The following BMP8B variants were observed in gnomAD, a reference collection of about 807,000 sequenced individuals.
BMP8B encodes the protein bone morphogenetic protein 8b.
BMP8B carries 17 observed loss-of-function variants against 30.3 expected under a neutral mutation model. The observed-to-expected ratio is 0.56, with a 90% CI of 0.38 to 0.84. BMP8B has a LOEUF of 0.84. Among genes scored for constraint, BMP8B ranks in the 40% least tolerant of loss-of-function variants. BMP8B has a pLI of 0.00. For synonymous variants in BMP8B, 131 were observed against 214.7 expected (o/e 0.61, Z 3.41); for missense variants, 253 against 494.6 (o/e 0.51, Z 4.63).
At chr1:39,781,920 G>A (rs1361022061) in intron 1 of BMP8B, among the ~76,000 whole-genome samples, 1 of 152,194 alleles carries the variant, frequency 6.6e-6, no homozygotes, top group Non-Finnish European at 1.5e-5. Flanking sequence ...ACTTTGGGAG[G>A]CTGAGGTGGG....
At chr1:39,769,195 G>A (rs1649779349) in intron 3 of BMP8B, among the ~76,000 whole-genome samples, 1 of 150,526 alleles carries the variant, frequency 6.6e-6, no homozygotes, top group Non-Finnish European at 1.5e-5. Flanking sequence ...TCAAAAAAAA[G>A]AAAAAAGAAA....
intron 3 of BMP8B, among the ~76,000 whole-genome samples, chr1:39,766,777 A>T (rs1019271906): frequency 6.9e-6 from 1 of 145,876 alleles, no homozygotes; most frequent in East Asian, 1.9e-4. Context: ...AGTCAAGGTT[A>T]TGGGGAAGCA....
Position 39,769,588 on chromosome 1 carries a change from G to A in BMP8B, c.673+4720C>T, listed in dbSNP as rs375739939. 5.7e-6 allele frequency: 8 copies of A among 1,404,376 alleles called. No homozygotes were observed. In the South Asian group the frequency reaches 6.1e-5, roughly 11 times the overall value. 87.0% of individuals were successfully genotyped at this position (1,404,376 alleles called of 1,614,324 possible). A position where few individuals can be genotyped will look rare whatever the true frequency, so the allele number is the denominator to read the frequency against. On this transcript the variant is annotated intron_variant, in intron 3 of 6. Coordinates refer to ENST00000372827, the MANE Select transcript of BMP8B (RefSeq NM_001720.5). The stretch of plus-strand genomic sequence containing the variant: ...AGAGGAGCACTGTCCACCTAGGGAG[G>A]AAAGTAGGAGGCCAGTAGCAAACCC...
chr1:39,779,783 A>T (rs143291842), intron 1 of BMP8B, among the ~76,000 whole-genome samples: 247 of 152,308 alleles, frequency 1.6e-3, no homozygotes, highest in Non-Finnish European at 2.8e-3. Context: ...GTTCATGCTA[A>T]CCTGACTGTG....
rs1198992846 is a variant in BMP8B, at chr1:39,760,731, C to T, written c.1060-163G>A. On this transcript the variant is annotated intron_variant, in intron 6 of 6. Coordinates refer to ENST00000372827, the MANE Select transcript of BMP8B (RefSeq NM_001720.5). ...TATTAACAGGAATAAGAGCAGTCCTCAAGGCTCCAGGAGTGGGAGCTGTAG... is the reference window on the plus strand; with the variant it reads ...TATTAACAGGAATAAGAGCAGTCCTTAAGGCTCCAGGAGTGGGAGCTGTAG... Among the ~76,000 whole-genome samples, 4 of 152,190 alleles carry T rather than the reference C, an allele frequency of 2.6e-5. 1 individual carries two copies. In the South Asian group the frequency reaches 8.3e-4, roughly 32 times the overall value.
intron 5 of BMP8B, 149 bp downstream of exon 5, chr1:39,763,563 T>C: frequency 8.3e-7 from 1 of 1,210,394 alleles, no homozygotes; most frequent in Non-Finnish European, 1.1e-6. Flanking sequence ...TTTCTCACCA[T>C]ATTCTCACTT....
At chr1:39,764,294 A>G (rs1364068141) in intron 4 of BMP8B, among the ~76,000 whole-genome samples, 2 of 151,418 alleles carry the variant, frequency 1.3e-5, no homozygotes, top group Non-Finnish European at 3.0e-5. Context: ...AGGATCCCAC[A>G]GGGTGCCCAG....
intron 1 of BMP8B, among the ~76,000 whole-genome samples, chr1:39,783,059 C>T (rs748679182): frequency 6.6e-6 from 1 of 152,054 alleles, no homozygotes; most frequent in East Asian, 1.9e-4. Context: ...CACACCTGGC[C>T]GGATACAGGC....
rs1396012692 is a variant in BMP8B at position 39,772,507 on chromosome 1, T to A, written c.673+1801A>T. On this transcript the variant is annotated intron_variant, in intron 3 of 6. Transcript: ENST00000372827. ...CACTCACCGGTCCCTGTAATGGCAT[T>A]TCCATGAGGACCAGTGATCTCAGTA... Among the ~76,000 whole-genome samples the A allele has an allele frequency of 7.3e-5, 6 of 82,134 alleles. 1 individual carries two copies. The highest frequency in any genetic ancestry group is 1.5e-4 in the Non-Finnish European group (6 of 39,798). The allele number at this position is 82,134 out of a possible 152,430, so 53.9% of individuals were successfully genotyped here. A position where few individuals can be genotyped will look rare whatever the true frequency, so the allele number is the denominator to read the frequency against.
chr1:39,760,557 C>G lies in BMP8B; in HGVS notation c.1071G>C (p.Met357Ile). The change falls in exon 7 of 7, where the codon ATG becomes ATC. Residue 357 changes from methionine (M) to isoleucine (I), a missense_variant. Met to Ile is a conservative substitution (Grantham distance 10). Around this residue, in one of 7 missense-constraint regions of BMP8B, gnomAD observed 116 missense variants for 142.3 expected, o/e 0.81. Coordinates refer to ENST00000372827, the MANE Select transcript of BMP8B (RefSeq NM_001720.5). ...ACGCCTTGGGGACTGCGTCTGGCAT[C>G]ATCAGGTGCACCTGGCCAGGAAGAG... ...HAILQSLVHL[M>I]MPDAVPKACC... 6.2e-7 allele frequency: 1 copy of G among 1,613,806 alleles called. No homozygotes were observed. Among genetic ancestry groups the G allele is most frequent in the Non-Finnish European group, 8.5e-7 (1 of 1,179,986 alleles).
At chr1:39,781,630 GT>G (rs1485993876) in intron 1 of BMP8B, among the ~76,000 whole-genome samples, 2 of 152,220 alleles carry the variant, frequency 1.3e-5, no homozygotes, top group Admixed American at 6.5e-5. Flanking sequence ...AAACTGGAAA[GT>G]TTACTGCTTT....
intron 1 of BMP8B, among the ~76,000 whole-genome samples, chr1:39,783,425 CA>C (rs1288061446): frequency 6.6e-6 from 1 of 152,182 alleles, no homozygotes; most frequent in Non-Finnish European, 1.5e-5. Context: ...GGAAAGGGTG[CA>C]CCATTCTGGT....
At chr1:39,764,135 T>C in intron 4 of BMP8B, among the ~76,000 whole-genome samples, 1 of 152,108 alleles carries the variant, frequency 6.6e-6, no homozygotes. Context: ...CACCCTCTCC[T>C]GCCACACCCA....
At chr1:39,777,264 T>G (rs1220986370) in intron 1 of BMP8B, among the ~76,000 whole-genome samples, 1 of 152,240 alleles carries the variant, frequency 6.6e-6, no homozygotes, top group African/African-American at 2.4e-5. Context: ...AATATTTATT[T>G]TCTACAAAAT....
chr1:39,776,429 T>C (rs913181057), intron 1 of BMP8B, among the ~76,000 whole-genome samples: 1 of 152,254 alleles, frequency 6.6e-6, no homozygotes, highest in African/African-American at 2.4e-5. Context: ...TTTGTGAGTC[T>C]TTTTAAAAAT....
chr1:39,772,629 AT>A (rs1350965668), intron 3 of BMP8B, among the ~76,000 whole-genome samples: 4 of 123,430 alleles, frequency 3.2e-5, no homozygotes, highest in African/African-American at 1.2e-4. Context: ...AAAAAGAAAA[AT>A]CTATTGAAAA....
In BMP8B at chr1:39,759,841, TGA is replaced by T; in HGVS notation, c.*576_*577del. ...TCATGCTGTTCACTCAGCTTTTTCT[TGA>T]GTTGACTCCACATGTCTACCTGTGA... On this transcript the variant is annotated 3_prime_UTR_variant, in exon 7 of 7. Coordinates refer to ENST00000372827, the MANE Select transcript of BMP8B (RefSeq NM_001720.5). 6.5e-6 allele frequency: 1 copy of T among 152,792 alleles called. No homozygotes were observed. The highest frequency in any genetic ancestry group is 1.9e-4 in the East Asian group (1 of 5,208). 9.5% of individuals were successfully genotyped at this position (152,792 alleles called of 1,614,324 possible). A position where few individuals can be genotyped will look rare whatever the true frequency, so the allele number is the denominator to read the frequency against.
At chr1:39,782,336 T>C (rs763251877) in intron 1 of BMP8B, among the ~76,000 whole-genome samples, 3 of 152,144 alleles carry the variant, frequency 2.0e-5, no homozygotes, top group Non-Finnish European at 4.4e-5. Flanking sequence ...CCTGGTCAGA[T>C]TCTGGAGCTA....
rs776769804 is a variant in BMP8B at position 39,763,190 on chromosome 1, C to G, written c.961G>C (p.Ala321Pro). The change falls in exon 6 of 7, where the codon GCT becomes CCT. Residue 321 changes from alanine to proline, a missense_variant. Coordinates refer to ENST00000372827, the MANE Select transcript of BMP8B (RefSeq NM_001720.5). ...QDLGWLDWVIAPQGYSAYYCE... is the reference protein window; with the variant it reads ...QDLGWLDWVIPPQGYSAYYCE... ...TAATAGGCCGAGTAGCCTTGGGGAG[C>G]GATGACCCAGTCCTGGGGGGCAAGG... 1.2e-6 allele frequency: 2 copies of G among 1,612,476 alleles called. No individual in the cohort carries two copies. Among genetic ancestry groups the G allele is most frequent in the African/African-American group, 1.3e-5 (1 of 74,816 alleles).
Sources: gnomAD v4.1 joint callset for allele counts (sites outside exome capture counted in the v4.1 genomes callset) on GRCh38, gnomAD v4.1.1 for gene constraint, gnomAD v4.1.1 regional missense constraint, MANE v1.5 for transcripts, NCBI Gene and HGNC (gene_info 2026-07-23, HGNC 2026-07-21) for gene names.